The following NUSAP1 variants were observed in gnomAD, a reference collection of about 807,000 sequenced individuals.
The protein encoded by NUSAP1 is nucleolar and spindle associated protein 1.
A neutral mutation model predicts 52.8 loss-of-function variants in NUSAP1; 32 were observed. The observed-to-expected ratio is 0.61, with a 90% CI of 0.46 to 0.81. The LOEUF is 0.81. NUSAP1 is among the 40% of genes least tolerant of loss of function. NUSAP1 has a pLI of 0.00. For missense variants in NUSAP1, 499 were observed against 522.3 expected (o/e 0.96, Z 0.43); for synonymous variants, 195 against 183.1 (o/e 1.06, Z -0.52).
In NUSAP1 at chr15:41,347,633, C is replaced by T. The variant is rs190132483; in HGVS notation, c.163-1465C>T. On this transcript the variant is annotated intron_variant, in intron 2 of 10. Transcript: ENST00000559596. Reference sequence around the variant, plus strand: ...GATCGAGACCATCCTGGCTAACAGGCGAAACCCCGTCTCTACTAACAACAC... The same window carrying T: ...GATCGAGACCATCCTGGCTAACAGGTGAAACCCCGTCTCTACTAACAACAC... Among the ~76,000 whole-genome samples the T allele has an allele frequency of 2.5e-3, 380 of 151,654 alleles. 2 individuals are homozygous for T. The highest frequency in any genetic ancestry group is 6.5e-3 in the South Asian group (31 of 4,794).
In NUSAP1 at chr15:41,366,253, G is replaced by A. The variant is rs567826738; in HGVS notation, c.848+664G>A. ...CAACCAAAGTGCTGGGATTACAAACGTGCCATTGCACCCAACCTTTCTTTT... is the reference window on the plus strand; with the variant it reads ...CAACCAAAGTGCTGGGATTACAAACATGCCATTGCACCCAACCTTTCTTTT... On this transcript the variant is annotated intron_variant, in intron 7 of 10. Transcript: ENST00000559596. 5.3e-5 allele frequency among the ~76,000 whole-genome samples: 8 copies of A among 150,956 alleles called. No individual in the cohort carries two copies. In the South Asian group the frequency reaches 1.5e-3, roughly 28 times the overall value.
In NUSAP1 at chr15:41,354,461, C is replaced by T. The variant is rs142026643; in HGVS notation, c.449-1578C>T. ...CAGAGGTTGCAGTGAGCCAAGATCG[C>T]GCCACTGCACTCCATCCTGGGCGAC... is the stretch of plus-strand genomic sequence containing the variant. On this transcript the variant is annotated intron_variant, in intron 4 of 10. Transcript: ENST00000559596. Among the ~76,000 whole-genome samples the T allele has an allele frequency of 3.4e-3, 512 of 151,960 alleles. 2 individuals are homozygous for T. Among genetic ancestry groups the T allele is most frequent in the African/African-American group, 0.012 (485 of 41,454 alleles).
intron 7 of NUSAP1, 54 bp downstream of exon 7, chr15:41,365,643 TA>T (rs201706755): frequency 0.013 from 17,858 of 1,339,988 alleles, 143 homozygotes; most frequent in Middle Eastern, 0.017. Flanking sequence ...ATGGACTATA[TA>T]AAAAAAAAAT....
At position 41,349,232 on chromosome 15, in the gene NUSAP1, T is replaced by C; in HGVS notation, c.297T>C (p.Pro99=). The change falls in exon 3 of 11, where the codon CCT becomes CCC. Residue 99 remains proline (P), a synonymous_variant. Transcript: ENST00000559596. The part of the protein sequence containing the change: ...RRRCKTVRVD[P]DSQQNHSEIK... ...GGTGCAAGACTGTCCGTGTGGACCC[T>C]GACTCACAGGTGAATGGAAATATAC... 1 of 1,613,076 alleles carries C rather than the reference T, an allele frequency of 6.2e-7. No homozygotes were observed. Among genetic ancestry groups the C allele is most frequent in the South Asian group, 1.1e-5 (1 of 91,016 alleles).
Position 41,341,246 on chromosome 15 carries a change from A to T in NUSAP1, c.94-1140A>T, listed in dbSNP as rs543503397. Among the ~76,000 whole-genome samples, 5 of 152,036 alleles carry T rather than the reference A, an allele frequency of 3.3e-5. No individual in the cohort carries two copies. In the East Asian group the frequency reaches 9.6e-4, roughly 29 times the overall value. On this transcript the variant is annotated intron_variant, in intron 1 of 10. Transcript: ENST00000559596. ...ATGCCCGGCTAATTTTTGTTTTTTT[A>T]TTAGAGACGGGGTTTCACCATGTTG...
At chr15:41,339,001 T>C (rs1022780585) in intron 1 of NUSAP1, among the ~76,000 whole-genome samples, 1 of 151,982 alleles carries the variant, frequency 6.6e-6, no homozygotes, top group Non-Finnish European at 1.5e-5. Context: ...GTCTTTCTGC[T>C]CAGTGCCCTC....
In NUSAP1 at chr15:41,380,250, T is replaced by TA. The variant is rs2140896837; in HGVS notation, c.*64_*65insA. 1 of 1,201,968 alleles carries TA rather than the reference T, an allele frequency of 8.3e-7. No individual in the cohort carries two copies. Among genetic ancestry groups the TA allele is most frequent in the East Asian group, 2.5e-5 (1 of 39,258 alleles). 74.5% of individuals were successfully genotyped at this position (1,201,968 alleles called of 1,614,324 possible). ...ACTTTTTTCCTTTTGTAAATTTTTT[T>TA]TTTTTGCTGTCATCCCCACTTTAGT... On this transcript the variant is annotated 3_prime_UTR_variant, in exon 11 of 11. Coordinates refer to ENST00000559596, the MANE Select transcript of NUSAP1 (RefSeq NM_016359.5).
chr15:41,364,183 C>G (rs2049295255), intron 6 of NUSAP1, among the ~76,000 whole-genome samples: 1 of 152,062 alleles, frequency 6.6e-6, no homozygotes, highest in Non-Finnish European at 1.5e-5. Flanking sequence ...TTCCGTATTT[C>G]CAAAATAATC....
At chr15:41,356,904 ATTATAT>A (rs2048994758) in intron 5 of NUSAP1, among the ~76,000 whole-genome samples, 1 of 152,092 alleles carries the variant, frequency 6.6e-6, no homozygotes, top group Non-Finnish European at 1.5e-5. Flanking sequence ...AATGTTGATT[ATTATAT>A]TTATAGTAGT....
At chr15:41,349,077 G>A (rs1221706293) in intron 2 of NUSAP1, 21 bp from the exon 3 acceptor site, 1 of 1,611,284 alleles carries the variant, frequency 6.2e-7, no homozygotes, top group Non-Finnish European at 8.5e-7. Context: ...GCACATAGCA[G>A]ATTAATACCT....
intron 6 of NUSAP1, among the ~76,000 whole-genome samples, chr15:41,361,458 C>T (rs2049176264): frequency 1.3e-5 from 2 of 152,020 alleles, no homozygotes; most frequent in Non-Finnish European, 2.9e-5. Flanking sequence ...CAGTGGCTCA[C>T]ACCTGTCAAT....
chr15:41,356,298 A>G (rs2140681099), intron 5 of NUSAP1, among the ~76,000 whole-genome samples, 158 bp downstream of exon 5: 1 of 152,034 alleles, frequency 6.6e-6, no homozygotes, highest in African/African-American at 2.4e-5. Flanking sequence ...CATCCTCAAT[A>G]AACTCACTTC....
At chr15:41,358,673 G>A (rs574852918) in intron 6 of NUSAP1, among the ~76,000 whole-genome samples, 29 of 152,238 alleles carry the variant, frequency 1.9e-4, no homozygotes, top group African/African-American at 7.0e-4. Flanking sequence ...GGCCAACATT[G>A]CAGTGAGCTG....
intron 7 of NUSAP1, among the ~76,000 whole-genome samples, chr15:41,368,882 G>A (rs1237199449): frequency 6.6e-6 from 1 of 151,648 alleles, no homozygotes; most frequent in East Asian, 1.9e-4. Flanking sequence ...ACAGGTGTGT[G>A]CCACTACATT....
At chr15:41,341,815 T>G (rs1373295974) in intron 1 of NUSAP1, among the ~76,000 whole-genome samples, 1 of 152,190 alleles carries the variant, frequency 6.6e-6, no homozygotes, top group Non-Finnish European at 1.5e-5. Flanking sequence ...GAGACTGCCC[T>G]TTTCTCTGAG....
chr15:41,370,619 G>A (rs868290335), intron 7 of NUSAP1, among the ~76,000 whole-genome samples: 13 of 151,890 alleles, frequency 8.6e-5, no homozygotes, highest in African/African-American at 2.7e-4. Flanking sequence ...GCATGGTGGC[G>A]CATGCCTGTA....
intron 1 of NUSAP1, among the ~76,000 whole-genome samples, chr15:41,338,729 G>T (rs2048264488): frequency 6.6e-6 from 1 of 152,174 alleles, no homozygotes; most frequent in African/African-American, 2.4e-5. Context: ...GCCGTGGTGG[G>T]TGGATCACTT....
At chr15:41,377,816 G>A (rs150641847) in intron 10 of NUSAP1, among the ~76,000 whole-genome samples, 258 of 145,300 alleles carry the variant, frequency 1.8e-3, no homozygotes, top group East Asian at 7.7e-3. Context: ...CCTGGCTAAC[G>A]CATTGAAACC....
intron 7 of NUSAP1, among the ~76,000 whole-genome samples, chr15:41,370,369 G>A (rs1328957377): frequency 2.7e-5 from 4 of 147,338 alleles, no homozygotes; most frequent in South Asian, 4.3e-4. Context: ...GCGACATAGC[G>A]AGACTCCGTC....
Sources: allele counts gnomAD v4.1 joint callset (sites outside exome capture counted in the v4.1 genomes callset), GRCh38; gene constraint gnomAD v4.1.1; transcripts MANE v1.5; gene names NCBI Gene and HGNC (gene_info 2026-07-23, HGNC 2026-07-21).